ASAP1: variants seen among roughly 807,000 people sequenced by gnomAD.
ASAP1 encodes the protein arf-GAP with SH3 domain, ANK repeat and PH domain-containing protein 1.
A neutral mutation model predicts 145.2 loss-of-function variants in ASAP1; 43 were observed. That is an observed-to-expected ratio of 0.30 (90% CI 0.23 to 0.38). The LOEUF (loss-of-function observed/expected upper bound fraction) is 0.38, where lower values mean the gene tolerates loss of function less well. ASAP1 is among the 10% of genes least tolerant of loss of function. The pLI is 1.00. For missense variants in ASAP1, 1,018 were observed against 1,355.3 expected (o/e 0.75, Z 3.91); for synonymous variants, 546 against 515.5 (o/e 1.06, Z -0.80).
intron 1 of ASAP1, among the ~76,000 whole-genome samples, chr8:130,426,084 G>A (rs1382830973): frequency 6.6e-6 from 1 of 152,156 alleles, no homozygotes; most frequent in Non-Finnish European, 1.5e-5. Context: ...GGGGCCTTGT[G>A]GGAGGTGATT....
At chr8:130,164,495 G>A (rs1165778240) in intron 11 of ASAP1, among the ~76,000 whole-genome samples, 3 of 152,142 alleles carry the variant, frequency 2.0e-5, no homozygotes, top group Non-Finnish European at 4.4e-5. Context: ...GGAGGCTGAG[G>A]CACGAGAATC....
intron 5 of ASAP1, among the ~76,000 whole-genome samples, chr8:130,193,743 A>G (rs879394106): frequency 3.3e-5 from 5 of 152,262 alleles, no homozygotes; most frequent in Admixed American, 1.3e-4. Context: ...GTATTATAAA[A>G]TAACAATTAA....
Position 130,379,474 on chromosome 8 carries a change from C to T in ASAP1, c.60-21331G>A, listed in dbSNP as rs1001145399. ...ATTTATAGCTGGTTGGTCAGACACA[C>T]GCAGCCTCTGGGAATTGTGACTGGC... On this transcript the variant is annotated intron_variant, in intron 2 of 29. Transcript: ENST00000518721. Among the ~76,000 whole-genome samples, 5 of 152,268 alleles carry T rather than the reference C, an allele frequency of 3.3e-5. No individual in the cohort carries two copies. The South Asian group carries it at 6.2e-4, about 19-fold the overall frequency.
At chr8:130,422,822 A>G (rs553559927) in intron 1 of ASAP1, among the ~76,000 whole-genome samples, 140 of 152,370 alleles carry the variant, frequency 9.2e-4, no homozygotes, top group African/African-American at 3.3e-3. Context: ...GGAGCAAGCC[A>G]GTAAGCAGGC....
At chr8:130,414,306 A>G (rs2138660864) in intron 1 of ASAP1, among the ~76,000 whole-genome samples, 1 of 152,380 alleles carries the variant, frequency 6.6e-6, no homozygotes, top group African/African-American at 2.4e-5. Flanking sequence ...GTTTCAAGCC[A>G]TTAAGTCTGT....
intron 9 of ASAP1, among the ~76,000 whole-genome samples, chr8:130,171,805 A>T (rs1444375821): frequency 1.3e-5 from 2 of 152,252 alleles, no homozygotes; most frequent in African/African-American, 4.8e-5. Context: ...AGAGCAGGCC[A>T]TCTATAAGTG....
intron 2 of ASAP1, among the ~76,000 whole-genome samples, chr8:130,396,561 T>C (rs1222430962): frequency 6.6e-6 from 1 of 152,264 alleles, no homozygotes; most frequent in Non-Finnish European, 1.5e-5. Flanking sequence ...GAATACTGTT[T>C]TTCTAAAACA....
At chr8:130,311,775 A>AAAAAAAAAC (rs796803091) in intron 3 of ASAP1, among the ~76,000 whole-genome samples, 1 of 148,574 alleles carries the variant, frequency 6.7e-6, no homozygotes. Flanking sequence ...AAAAAAAAAA[A>AAAAAAAAAC]GGCAAAATAA....
At chr8:130,422,204 G>A (rs1012629121) in intron 1 of ASAP1, among the ~76,000 whole-genome samples, 3 of 152,112 alleles carry the variant, frequency 2.0e-5, no homozygotes, top group African/African-American at 7.2e-5. Flanking sequence ...GAGGGGGATG[G>A]GCACATCTTC....
chr8:130,245,014 C>T lies in ASAP1; in HGVS notation c.187-8020G>A, dbSNP rs117676994. On this transcript the variant is annotated intron_variant, in intron 3 of 29. Coordinates refer to ENST00000518721, the MANE Select transcript of ASAP1 (RefSeq NM_018482.4). ...TAAGAATCATCCTGTGTAACAACACCCACAGTTAGTGGGGTTCAACCAGGA... is the reference window on the plus strand; with the variant it reads ...TAAGAATCATCCTGTGTAACAACACTCACAGTTAGTGGGGTTCAACCAGGA... Among the ~76,000 whole-genome samples, 1,239 of 152,132 alleles carry T rather than the reference C, an allele frequency of 8.1e-3. 11 individuals are homozygous for T. The highest frequency in any genetic ancestry group is 0.012 in the Non-Finnish European group (797 of 68,002).
chr8:130,382,313 A>G (rs1827817318), intron 2 of ASAP1, among the ~76,000 whole-genome samples: 1 of 149,440 alleles, frequency 6.7e-6, no homozygotes, highest in Non-Finnish European at 1.5e-5. Context: ...AAAAAAAGAA[A>G]TTAAAGATAT....
intron 13 of ASAP1, among the ~76,000 whole-genome samples, chr8:130,147,365 T>C (rs1238663446): frequency 1.3e-5 from 2 of 152,208 alleles, no homozygotes; most frequent in Admixed American, 6.5e-5. Context: ...ACTCATTTAA[T>C]CTTTACAATC....
chr8:130,400,248 C>A (rs942823888), intron 2 of ASAP1, among the ~76,000 whole-genome samples: 2 of 152,214 alleles, frequency 1.3e-5, no homozygotes, highest in African/African-American at 4.8e-5. Context: ...AACAGGTCAA[C>A]CCTGTGCCAG....
chr8:130,135,502 C>CA (rs1283922806), intron 14 of ASAP1, among the ~76,000 whole-genome samples: 8 of 146,332 alleles, frequency 5.5e-5, no homozygotes, highest in Non-Finnish European at 1.2e-4. Context: ...AAAAACAAAA[C>CA]AAAAAAAACC....
chr8:130,114,869 G>A (rs1037036981), intron 23 of ASAP1, among the ~76,000 whole-genome samples: 1 of 151,110 alleles, frequency 6.6e-6, no homozygotes, highest in African/African-American at 2.4e-5. Context: ...CAAACTCCTG[G>A]GCTCAAGCAA....
At chr8:130,328,598 T>C (rs1443792421) in intron 3 of ASAP1, among the ~76,000 whole-genome samples, 1 of 150,658 alleles carries the variant, frequency 6.6e-6, no homozygotes, top group Non-Finnish European at 1.5e-5. Context: ...TAATTAGTTA[T>C]GGCTCAGTAG....
intron 3 of ASAP1, among the ~76,000 whole-genome samples, chr8:130,255,710 G>A (rs779244105): frequency 6.6e-6 from 1 of 152,112 alleles, no homozygotes; most frequent in Non-Finnish European, 1.5e-5. Context: ...CAGCAAACAC[G>A]AATAGTATTT....
At chr8:130,371,983 G>C (rs1827234175) in intron 2 of ASAP1, among the ~76,000 whole-genome samples, 1 of 152,174 alleles carries the variant, frequency 6.6e-6, no homozygotes, top group Non-Finnish European at 1.5e-5. Flanking sequence ...CATTCTACCA[G>C]AGTCATTTTC....
chr8:130,391,360 C>T (rs76832712), intron 2 of ASAP1, among the ~76,000 whole-genome samples: 228 of 152,212 alleles, frequency 1.5e-3, no homozygotes, highest in African/African-American at 5.1e-3. Flanking sequence ...ATGGATTTCG[C>T]GGCAATGGTT....
Sources: allele counts gnomAD v4.1 joint callset (sites outside exome capture counted in the v4.1 genomes callset), GRCh38; gene constraint gnomAD v4.1.1; transcripts MANE v1.5; gene names NCBI Gene and HGNC (gene_info 2026-07-23, HGNC 2026-07-21).